Variants in DLGAP1 observed in about 807,000 individuals in gnomAD.
DLGAP1 encodes DLG associated protein 1.
DLGAP1 carries 11 observed loss-of-function variants against 90.8 expected under a neutral mutation model. The ratio of observed to expected loss-of-function variants is 0.12; its 90% CI spans 0.08 to 0.20. DLGAP1 has a LOEUF of 0.20. Ranked by LOEUF, DLGAP1 falls within the 10% of genes least tolerant of loss-of-function variation. The probability of loss-of-function intolerance (pLI) is 1.00; values close to 1 mark genes in which losing one functional copy is unlikely to be tolerated. For synonymous variants in DLGAP1, 558 were observed against 540.7 expected (o/e 1.03, Z -0.44); for missense variants, 1,050 against 1,333.8 (o/e 0.79, Z 3.31).
intron 4 of DLGAP1, among the ~76,000 whole-genome samples, chr18:3,869,422 G>C (rs2070604317): frequency 6.6e-6 from 1 of 152,198 alleles, no homozygotes; most frequent in African/African-American, 2.4e-5. Flanking sequence ...CTGGCACGGT[G>C]ACCTGAGTCT....
intron 10 of DLGAP1, among the ~76,000 whole-genome samples, chr18:3,512,636 G>C (rs1021906531): frequency 6.6e-6 from 1 of 152,100 alleles, no homozygotes; most frequent in Non-Finnish European, 1.5e-5. Flanking sequence ...TCACAAACAG[G>C]CATCTAATTA....
intron 3 of DLGAP1, among the ~76,000 whole-genome samples, chr18:3,989,573 G>C (rs2073918831): frequency 8.1e-6 from 1 of 123,342 alleles, no homozygotes; most frequent in Non-Finnish European, 2.0e-5. Context: ...ACTTCAACTA[G>C]TTTGTGTTAA....
At chr18:3,876,945 T>A (rs2071020138) in intron 4 of DLGAP1, among the ~76,000 whole-genome samples, 1 of 152,198 alleles carries the variant, frequency 6.6e-6, no homozygotes, top group Non-Finnish European at 1.5e-5. Context: ...TTGCTCACCA[T>A]TTTTGATGCC....
chr18:3,875,029 C>T (rs1293551683), intron 4 of DLGAP1, among the ~76,000 whole-genome samples: 1 of 152,112 alleles, frequency 6.6e-6, no homozygotes, highest in Non-Finnish European at 1.5e-5. Context: ...GTGATAATTC[C>T]GCAAAGAGAG....
At chr18:4,230,392 T>G (rs2145047075) in intron 1 of DLGAP1, among the ~76,000 whole-genome samples, 1 of 152,224 alleles carries the variant, frequency 6.6e-6, no homozygotes, top group South Asian at 2.1e-4. Context: ...ACAACCTCAG[T>G]GTCCATCAAC....
chr18:3,960,769 C>G (rs2073181775), intron 3 of DLGAP1, among the ~76,000 whole-genome samples: 1 of 152,216 alleles, frequency 6.6e-6, no homozygotes, highest in Admixed American at 6.5e-5. Flanking sequence ...TAGCCTTGCT[C>G]CCTGCAGGTG....
In DLGAP1 at chr18:3,879,849, G is replaced by T; in HGVS notation, c.220C>A (p.His74Asn). The part of the protein sequence containing the change: ...PLASSTFPRR[H>N]YTSQQELKDE... The stretch of plus-strand genomic sequence containing the variant: ...TTCAGCTCTTGCTGCGAGGTGTAGT[G>T]CCTGCGGGGGAAGGTGCTGCTGGCC... The change falls in exon 4 of 13, where the codon CAC becomes AAC. Residue 74 changes from histidine to asparagine, a missense_variant. Physicochemically the swap from His to Asn is moderately conservative, Grantham distance 68. Transcript: ENST00000315677. The surrounding 1 kb of genome is among the most constrained non-coding windows in gnomAD (Gnocchi z 6.6). 2 of 1,609,910 alleles carry T rather than the reference G, an allele frequency of 1.2e-6. No homozygotes were observed. The highest frequency in any genetic ancestry group is 8.5e-7 in the Non-Finnish European group (1 of 1,179,716).
At chr18:4,244,454 A>T (rs2078610571) in intron 1 of DLGAP1, among the ~76,000 whole-genome samples, 1 of 152,204 alleles carries the variant, frequency 6.6e-6, no homozygotes, top group African/African-American at 2.4e-5. Flanking sequence ...AATTTACACA[A>T]TTCACCTATT....
At chr18:3,663,542 C>T (rs1359702142) in intron 7 of DLGAP1, among the ~76,000 whole-genome samples, 1 of 152,148 alleles carries the variant, frequency 6.6e-6, no homozygotes, top group Admixed American at 6.5e-5. Context: ...AGTATCTGGG[C>T]TCAGACCTTA....
intron 1 of DLGAP1, among the ~76,000 whole-genome samples, chr18:4,207,851 T>C (rs532889495): frequency 6.6e-6 from 1 of 152,342 alleles, no homozygotes; most frequent in East Asian, 1.9e-4. Context: ...TTTTAAGCTT[T>C]CTTTTTTCCC....
At chr18:4,046,996 CCT>C (rs1420789790) in intron 2 of DLGAP1, among the ~76,000 whole-genome samples, 8 of 152,192 alleles carry the variant, frequency 5.3e-5, no homozygotes, top group Non-Finnish European at 8.8e-5. Context: ...GCCTCCACAT[CCT>C]GGAACTAGAG....
At chr18:4,209,391 G>A (rs1191243404) in intron 1 of DLGAP1, among the ~76,000 whole-genome samples, 3 of 152,198 alleles carry the variant, frequency 2.0e-5, no homozygotes, top group Admixed American at 2.0e-4. Flanking sequence ...ATATATGTAC[G>A]AGTCAAAGCC....
chr18:3,938,687 A>G (rs913173129), intron 3 of DLGAP1, among the ~76,000 whole-genome samples: 2 of 152,198 alleles, frequency 1.3e-5, no homozygotes, highest in Non-Finnish European at 2.9e-5. Flanking sequence ...TAGCTGGAGC[A>G]TTGGAAGCAA....
chr18:4,433,259 T>G (rs1360036585), intron 1 of DLGAP1, among the ~76,000 whole-genome samples: 1 of 152,248 alleles, frequency 6.6e-6, no homozygotes, highest in East Asian at 1.9e-4. Flanking sequence ...TTTATTCATC[T>G]GTAATAAGGT....
rs869167707 is a variant in DLGAP1 at position 3,772,346 on chromosome 18, CTCTTTCTTTCTTTCTTTCTTTCTT to C, written c.1173-29858_1173-29835del. On this transcript the variant is annotated intron_variant, in intron 5 of 12. Transcript: ENST00000315677. ...CCTTTCTCTCCTTCTCTCTCTCTCT[CTCTTTCTTTCTTTCTTTCTTTCTT>C]TCTTTCTTTCTTTCTTTCTTTCTTT... Among the ~76,000 whole-genome samples, 95 of 14,238 alleles carry C rather than the reference CTCTTTCTTTCTTTCTTTCTTTCTT, an allele frequency of 6.7e-3. 2 individuals carry two copies. Among genetic ancestry groups the C allele is most frequent in the African/African-American group, 0.018 (74 of 4,212 alleles). The allele number at this position is 14,238 out of a possible 152,430, so 9.3% of individuals were successfully genotyped here.
At chr18:3,859,867 G>A (rs1476015577) in intron 4 of DLGAP1, among the ~76,000 whole-genome samples, 2 of 152,020 alleles carry the variant, frequency 1.3e-5, no homozygotes, top group South Asian at 2.1e-4. Context: ...TTGGGAGGCC[G>A]AGGTGGGCAG....
At chr18:4,147,648 T>C (rs1379579768) in intron 2 of DLGAP1, among the ~76,000 whole-genome samples, 1 of 152,040 alleles carries the variant, frequency 6.6e-6, no homozygotes, top group Non-Finnish European at 1.5e-5. Flanking sequence ...ATCCAACAGA[T>C]ATTTATGGGT....
At chr18:4,287,831 C>A (rs2079738318) in intron 1 of DLGAP1, among the ~76,000 whole-genome samples, 2 of 151,152 alleles carry the variant, frequency 1.3e-5, no homozygotes, top group African/African-American at 4.9e-5. Context: ...GCACATGTAT[C>A]CCAGAACTTA....
intron 1 of DLGAP1, among the ~76,000 whole-genome samples, chr18:4,367,848 C>CA (rs201375041): frequency 8.1e-5 from 12 of 148,110 alleles, no homozygotes; most frequent in South Asian, 2.1e-4. Flanking sequence ...GACTCCATCT[C>CA]AGAAAAAAAA....
Sources: gnomAD v4.1 joint callset for allele counts (sites outside exome capture counted in the v4.1 genomes callset) on GRCh38, gnomAD v4.1.1 for gene constraint, Gnocchi (gnomAD v3.1) non-coding constraint, MANE v1.5 for transcripts, NCBI Gene and HGNC (gene_info 2026-07-23, HGNC 2026-07-21) for gene names.